The following RGL1 variants were observed in gnomAD, a reference collection of about 807,000 sequenced individuals.
RGL1 encodes the protein ral guanine nucleotide dissociation stimulator like 1.
Under a neutral mutation model 95.2 loss-of-function variants are expected in RGL1, and 24 were observed. That is an observed-to-expected ratio of 0.25 (90% confidence interval 0.18 to 0.35). The LOEUF (loss-of-function observed/expected upper bound fraction) is 0.35, where lower values mean the gene tolerates loss of function less well. RGL1 is among the 10% of genes least tolerant of loss of function. The pLI is 1.00. For synonymous variants in RGL1, 329 were observed against 344.9 expected (o/e 0.95, Z 0.51); for missense variants, 715 against 936.3 (o/e 0.76, Z 3.08).
At chr1:183,904,262 A>G (rs1242127196) in intron 12 of RGL1, among the ~76,000 whole-genome samples, 1 of 152,164 alleles carries the variant, frequency 6.6e-6, no homozygotes, top group African/African-American at 2.4e-5. Context: ...TAGTTAAATG[A>G]TTTAGTGGCG....
intron 1 of RGL1, among the ~76,000 whole-genome samples, chr1:183,670,910 A>C (rs1652399690): frequency 6.6e-6 from 1 of 152,192 alleles, no homozygotes; most frequent in African/African-American, 2.4e-5. Flanking sequence ...GTATTAGTCC[A>C]TTTTCATACT....
chr1:183,898,461 A>C (rs957091010), intron 10 of RGL1, among the ~76,000 whole-genome samples: 6 of 152,244 alleles, frequency 3.9e-5, no homozygotes, highest in African/African-American at 1.4e-4. Context: ...AGACTGAAAG[A>C]TAGGTATTAT....
chr1:183,766,493 C>T (rs1658975045), intron 2 of RGL1, among the ~76,000 whole-genome samples: 1 of 152,110 alleles, frequency 6.6e-6, no homozygotes, highest in Admixed American at 6.5e-5. Flanking sequence ...GTACCCATAT[C>T]AAGTTTTTCC....
At position 183,724,970 on chromosome 1, in the gene RGL1, C is replaced by CACAT. The variant is rs1353380432; in HGVS notation, c.-32-17153_-32-17152insTACA. Among the ~76,000 whole-genome samples the CACAT allele has an allele frequency of 6.6e-6, 1 of 151,572 alleles. No homozygotes were observed. Among genetic ancestry groups the CACAT allele is most frequent in the Non-Finnish European group, 1.5e-5 (1 of 67,902 alleles). On this transcript the variant is annotated intron_variant, in intron 1 of 18. Coordinates refer to the RGL1 transcript ENST00000304685. This position sits in a 1 kb window ranked among gnomAD's most constrained non-coding sequence, Gnocchi z 4.1. ...CCCCAGCTCTAGGCACCACAACACA[C>CACAT]ACACACACACACGGAGGGAAGAGGA...
intron 1 of RGL1, chr1:183,710,234 A>T: frequency 5.6e-6 from 1 of 177,234 alleles, no homozygotes. Flanking sequence ...GTGCTGTGGG[A>T]GCTCATTCTC....
chr1:183,639,580 C>T (rs1649775467), intron 1 of RGL1, among the ~76,000 whole-genome samples: 1 of 151,802 alleles, frequency 6.6e-6, no homozygotes, highest in South Asian at 2.1e-4. Flanking sequence ...CATGAACCTT[C>T]AGAATTTCAT....
intron 15 of RGL1, among the ~76,000 whole-genome samples, chr1:183,914,927 A>G (rs1030831728): frequency 2.6e-5 from 4 of 152,244 alleles, no homozygotes; most frequent in Non-Finnish European, 5.9e-5. Context: ...AACTTATGCT[A>G]TTAACTTATC....
chr1:183,638,628 A>C (rs1195717259), intron 1 of RGL1, among the ~76,000 whole-genome samples: 1 of 152,202 alleles, frequency 6.6e-6, no homozygotes, highest in Non-Finnish European at 1.5e-5. Flanking sequence ...CTAAATTTTT[A>C]ATGTTAATCA....
intron 2 of RGL1, among the ~76,000 whole-genome samples, chr1:183,779,093 A>G (rs1375097026): frequency 6.6e-6 from 1 of 152,140 alleles, no homozygotes; most frequent in Non-Finnish European, 1.5e-5. Context: ...TCAGTAAGGA[A>G]GCTGTGTAGC....
chr1:183,683,521 A>T (rs115862617), intron 1 of RGL1, among the ~76,000 whole-genome samples: 12,320 of 152,094 alleles, frequency 0.081, 917 homozygotes, highest in African/African-American at 0.2. Flanking sequence ...GTAGAGTTTC[A>T]CCCAAGAGAT....
intron 15 of RGL1, among the ~76,000 whole-genome samples, chr1:183,913,900 T>C (rs528058433): frequency 6.6e-6 from 1 of 152,324 alleles, no homozygotes; most frequent in East Asian, 1.9e-4. Flanking sequence ...GGGGATACAA[T>C]CATTCATGCT....
chr1:183,648,322 A>G (rs185794943), intron 1 of RGL1: 50 of 1,614,218 alleles, frequency 3.1e-5, no homozygotes, highest in Non-Finnish European at 3.8e-5. Context: ...AGCTGAGAAA[A>G]ATAAATACTA....
intron 1 of RGL1, among the ~76,000 whole-genome samples, chr1:183,698,302 T>G (rs1654372279): frequency 6.6e-6 from 1 of 152,232 alleles, no homozygotes; most frequent in Admixed American, 6.5e-5. Flanking sequence ...GGTAGTGGCT[T>G]CCAACTGTTG....
At chr1:183,876,518 T>C (rs1450390709) in intron 4 of RGL1, among the ~76,000 whole-genome samples, 1 of 152,232 alleles carries the variant, frequency 6.6e-6, no homozygotes, top group Non-Finnish European at 1.5e-5. Context: ...AAAGATTACT[T>C]TGGAAAAGGA....
intron 3 of RGL1, among the ~76,000 whole-genome samples, chr1:183,856,307 A>T (rs1429836530): frequency 6.6e-6 from 1 of 151,940 alleles, no homozygotes; most frequent in East Asian, 1.9e-4. Context: ...ACACATATAT[A>T]TAACAGAACA....
chr1:183,691,650 G>T (rs1172397947), intron 1 of RGL1, among the ~76,000 whole-genome samples: 1 of 152,150 alleles, frequency 6.6e-6, no homozygotes, highest in Non-Finnish European at 1.5e-5. Flanking sequence ...AGTTAAAGAA[G>T]ATAGTAATGT....
At position 183,830,320 on chromosome 1, in the gene RGL1, G is replaced by A. The variant is rs1386851119; in HGVS notation, c.139-17246G>A. 3.9e-5 allele frequency among the ~76,000 whole-genome samples: 6 copies of A among 152,280 alleles called. No individual in the cohort carries two copies. The East Asian group carries it at 9.7e-4, about 25-fold the overall frequency. ...GAACCTGGTATGGGAAAAAGGGGAAGTTATAAAGATTTCAGATGAAATCCT... is the reference window on the plus strand; with the variant it reads ...GAACCTGGTATGGGAAAAAGGGGAAATTATAAAGATTTCAGATGAAATCCT... On this transcript the variant is annotated intron_variant, in intron 2 of 17. Coordinates refer to ENST00000360851, the MANE Select transcript of RGL1 (RefSeq NM_001297671.3).
intron 1 of RGL1, among the ~76,000 whole-genome samples, chr1:183,643,012 A>T (rs1038925637): frequency 6.6e-6 from 1 of 152,162 alleles, no homozygotes; most frequent in African/African-American, 2.4e-5. Flanking sequence ...AAGTGGAATC[A>T]TGTGGTGTTT....
intron 1 of RGL1, among the ~76,000 whole-genome samples, chr1:183,645,569 G>C (rs1005822154): frequency 1.3e-5 from 2 of 152,236 alleles, no homozygotes; most frequent in Non-Finnish European, 2.9e-5. Flanking sequence ...TGGCTGAAGA[G>C]GGGTGGAGCA....
Sources: allele counts gnomAD v4.1 joint callset (sites outside exome capture counted in the v4.1 genomes callset), GRCh38; gene constraint gnomAD v4.1.1; non-coding constraint Gnocchi (gnomAD v3.1); transcripts MANE v1.5; gene names NCBI Gene and HGNC (gene_info 2026-07-23, HGNC 2026-07-21).